GLYAT: variants seen among roughly 807,000 people sequenced by gnomAD.
GLYAT encodes the protein glycine N-acyltransferase.
In GLYAT, 25 loss-of-function variants were observed where a neutral mutation model predicts 22.8. The ratio of observed to expected loss-of-function variants is 1.09; its 90% CI spans 0.80 to 1.53. The LOEUF is 1.53. Among genes scored for constraint, GLYAT ranks in the 40% most tolerant of loss-of-function variants. GLYAT has a pLI of 0.00. For missense variants in GLYAT, 411 were observed against 353.9 expected (o/e 1.16, Z -1.29); for synonymous variants, 140 against 122.7 (o/e 1.14, Z -0.93).
rs1286706651 is a variant in GLYAT at position 58,709,118 on chromosome 11, G to A, written c.*648C>T. The A allele has an allele frequency of 1.3e-5, 2 of 152,172 alleles. No individual in the cohort carries two copies. The highest frequency in any genetic ancestry group is 2.9e-5 in the Non-Finnish European group (2 of 68,032). The allele number at this position is 152,172 out of a possible 1,614,324, so 9.4% of individuals were successfully genotyped here. A position where few individuals can be genotyped will look rare whatever the true frequency, so the allele number is the denominator to read the frequency against. On this transcript the variant is annotated 3_prime_UTR_variant, in exon 6 of 6. Coordinates refer to ENST00000344743, the MANE Select transcript of GLYAT (RefSeq NM_201648.3). ...TATTATTTAGGAGTTGTGGGTTTTG[G>A]AAGCTCATCTTTAGAAAAAACATTG... is the stretch of plus-strand genomic sequence containing the variant.
At position 58,710,657 on chromosome 11, in the gene GLYAT, T is replaced by G; in HGVS notation, c.421A>C (p.Lys141Gln). The G allele has an allele frequency of 6.2e-7, 1 of 1,611,478 alleles. No individual in the cohort carries two copies. The highest frequency in any genetic ancestry group is 8.5e-7 in the Non-Finnish European group (1 of 1,177,564). Residue 141 changes from lysine (K) to glutamine (Q), a missense_variant, in exon 5 of 6, where the codon AAG becomes CAG. Lys to Gln is a moderately conservative substitution (Grantham distance 53, BLOSUM62 1). Transcript: ENST00000344743. Reference sequence around the variant, plus strand: ...TTCAGCAGGAAAGGAGTCAGTTCCTTGGCTGTTTCAGCTGCCATATAGAGA... The same window carrying G: ...TTCAGCAGGAAAGGAGTCAGTTCCTGGGCTGTTTCAGCTGCCATATAGAGA... The part of the protein sequence containing the change: ...RILYMAAETA[K>Q]ELTPFLLKSK...
At chr11:58,721,932 G>C (rs2134491173) in intron 2 of GLYAT, among the ~76,000 whole-genome samples, 1 of 151,970 alleles carries the variant, frequency 6.6e-6, no homozygotes, top group Middle Eastern at 3.4e-3. Context: ...AACTAACAAT[G>C]ATCACCCAAA....
intron 1 of GLYAT, among the ~76,000 whole-genome samples, chr11:58,726,826 T>G (rs956135000): frequency 1.3e-5 from 2 of 152,028 alleles, no homozygotes; most frequent in Non-Finnish European, 2.9e-5. Context: ...GAGAAAAACC[T>G]CATGAAAAGC....
intron 2 of GLYAT, among the ~76,000 whole-genome samples, chr11:58,718,086 G>A (rs752339885): frequency 5.9e-5 from 9 of 151,812 alleles, no homozygotes; most frequent in Non-Finnish European, 1.3e-4. Context: ...TTTTTCAAGG[G>A]CTTTATTGGC....
chr11:58,717,408 T>C (rs1363934131), intron 2 of GLYAT, among the ~76,000 whole-genome samples: 1 of 152,088 alleles, frequency 6.6e-6, no homozygotes, highest in African/African-American at 2.4e-5. Context: ...CTAAAATCCA[T>C]ACATTAATAG....
chr11:58,717,492 C>G (rs1168971152), intron 2 of GLYAT, among the ~76,000 whole-genome samples: 2 of 151,364 alleles, frequency 1.3e-5, no homozygotes, highest in African/African-American at 2.4e-5. Flanking sequence ...TGTTTGGCTT[C>G]AGTTTTCAGG....
At chr11:58,710,246 G>A (rs1590665657) in intron 5 of GLYAT, 78 bp from the exon 6 acceptor site, 1 of 1,498,688 alleles carries the variant, frequency 6.7e-7, no homozygotes, top group East Asian at 2.3e-5. Context: ...TGTCTTGAGA[G>A]ACAGAGTAGA....
intron 2 of GLYAT, among the ~76,000 whole-genome samples, chr11:58,718,072 C>T (rs571932458): frequency 2.6e-4 from 40 of 152,098 alleles, no homozygotes; most frequent in Admixed American, 1.8e-3. Flanking sequence ...AATATATGGA[C>T]ATTTTTTTCA....
At position 58,712,897 on chromosome 11, in the gene GLYAT, T is replaced by C; in HGVS notation, c.190-11A>G. ...GTCATCTGTCATATCCTGTTATCAT[T>C]AGGAAAAAGGAAATAAAACACATCC... is the stretch of plus-strand genomic sequence containing the variant. On this transcript the variant is annotated splice_polypyrimidine_tract_variant and intron_variant, in intron 3 of 5. Coordinates refer to ENST00000344743, the MANE Select transcript of GLYAT (RefSeq NM_201648.3). The C allele has an allele frequency of 6.4e-7, 1 of 1,561,496 alleles. No homozygotes were observed. The highest frequency in any genetic ancestry group is 8.8e-7 in the Non-Finnish European group (1 of 1,137,614).
intron 4 of GLYAT, among the ~76,000 whole-genome samples, chr11:58,712,159 C>T (rs926920462): frequency 6.6e-6 from 1 of 152,222 alleles, no homozygotes; most frequent in South Asian, 2.1e-4. Context: ...ATTAGGTTTG[C>T]TATGCAGCAA....
chr11:58,713,571 C>T (rs185882466), intron 3 of GLYAT, among the ~76,000 whole-genome samples: 77 of 152,176 alleles, frequency 5.1e-4, no homozygotes, highest in African/African-American at 1.8e-3. Context: ...TTCAAAATGC[C>T]TTCTTTAAAA....
At chr11:58,728,053 CTTTTTTTTTTTTTTT>C (rs1173955703) in intron 1 of GLYAT, among the ~76,000 whole-genome samples, 4 of 68,680 alleles carry the variant, frequency 5.8e-5, no homozygotes, top group African/African-American at 1.4e-4. Flanking sequence ...TGCTCTAAAG[CTTTTTTTTTTTTTTT>C]TTTTTTTTTT....
At chr11:58,729,849 C>T (rs190874612) in intron 1 of GLYAT, among the ~76,000 whole-genome samples, 61 of 152,224 alleles carry the variant, frequency 4.0e-4, no homozygotes, top group Admixed American at 2.5e-3. Flanking sequence ...TCTCTAGATG[C>T]AACTCAGAAG....
intron 5 of GLYAT, 111 bp from the exon 6 acceptor site, chr11:58,710,279 G>T (rs1856597436): frequency 1.4e-6 from 2 of 1,451,116 alleles, no homozygotes; most frequent in South Asian, 1.5e-5. Context: ...CAAATGTGAA[G>T]TCCTGGAATA....
At chr11:58,712,435 C>T (rs596847) in intron 4 of GLYAT, among the ~76,000 whole-genome samples, 101,854 of 151,956 alleles carry the variant, frequency 0.67, 36,345 homozygotes, top group Middle Eastern at 0.87. Flanking sequence ...AATAAGCTAT[C>T]ATTTTTATTA....
intron 4 of GLYAT, among the ~76,000 whole-genome samples, chr11:58,712,104 G>A (rs1016047831): frequency 6.6e-6 from 1 of 152,180 alleles, no homozygotes; most frequent in Admixed American, 6.5e-5. Flanking sequence ...ACCAGTGGAA[G>A]AACTGCCTTG....
chr11:58,725,536 G>A (rs1218104561), intron 1 of GLYAT, among the ~76,000 whole-genome samples: 2 of 152,124 alleles, frequency 1.3e-5, no homozygotes, highest in Non-Finnish European at 2.9e-5. Context: ...TCAGTGAAAA[G>A]CCTTTACTGG....
At position 58,709,678 on chromosome 11, in the gene GLYAT, A is replaced by G; in HGVS notation, c.*88T>C. On this transcript the variant is annotated 3_prime_UTR_variant, in exon 6 of 6. Transcript: ENST00000344743. ...AGTGCCCACTCCTTTACTGCTGATT[A>G]CAATTTATTATTTCTTTTCATCCAC... The G allele has an allele frequency of 1.4e-6, 2 of 1,391,986 alleles. No individual in the cohort carries two copies. Among genetic ancestry groups the G allele is most frequent in the Admixed American group, 2.1e-5 (1 of 46,838 alleles). 86.2% of individuals were successfully genotyped at this position (1,391,986 alleles called of 1,614,324 possible). A position where few individuals can be genotyped will look rare whatever the true frequency, so the allele number is the denominator to read the frequency against.
At chr11:58,719,812 A>C (rs1349496900) in intron 2 of GLYAT, among the ~76,000 whole-genome samples, 1 of 152,050 alleles carries the variant, frequency 6.6e-6, no homozygotes, top group Non-Finnish European at 1.5e-5. Flanking sequence ...TAATAATCTT[A>C]ATTAAAAAAT....
Sources: gnomAD v4.1 joint callset for allele counts (sites outside exome capture counted in the v4.1 genomes callset) on GRCh38, gnomAD v4.1.1 for gene constraint, MANE v1.5 for transcripts, NCBI Gene and HGNC (gene_info 2026-07-23, HGNC 2026-07-21) for gene names.